The following ADAD1 variants were observed in gnomAD, a reference collection of about 807,000 sequenced individuals.
ADAD1 encodes the protein adenosine deaminase domain-containing protein 1.
Under a neutral mutation model 66.8 loss-of-function variants are expected in ADAD1, and 46 were observed. That is an observed-to-expected ratio of 0.69 (90% CI 0.54 to 0.88). The LOEUF (loss-of-function observed/expected upper bound fraction) is 0.88. Ranked by LOEUF, ADAD1 falls within the 40% of genes least tolerant of loss-of-function variation. The pLI, the probability that ADAD1 is intolerant of heterozygous loss-of-function variation, is 0.00. For synonymous variants in ADAD1, 248 were observed against 229.4 expected (o/e 1.08, Z -0.73); for missense variants, 617 against 681.8 (o/e 0.91, Z 1.06).
At chr4:122,427,492 G>A (rs966823243) in intron 12 of ADAD1, among the ~76,000 whole-genome samples, 2 of 132,092 alleles carry the variant, frequency 1.5e-5, no homozygotes, top group Non-Finnish European at 3.2e-5. Flanking sequence ...TTGACAAGCT[G>A]ATTGTGAAAT....
chr4:122,407,966 T>A lies in ADAD1; in HGVS notation c.783T>A (p.Ile261=). 1 of 1,613,866 alleles carries A rather than the reference T, an allele frequency of 6.2e-7. No individual in the cohort carries two copies. ...GTGAATACAATTACAGCCAGGACAT[T>A]AAGCCAGATGGAAGAGTATTGCATG... ...GTGEYNYSQD[I]KPDGRVLHDT... is the part of the protein sequence containing the mutation. The change falls in exon 8 of 13, where the codon ATT becomes ATA. Residue 261 remains isoleucine, a synonymous_variant. Coordinates refer to ENST00000296513, the MANE Select transcript of ADAD1 (RefSeq NM_139243.4).
intron 7 of ADAD1, among the ~76,000 whole-genome samples, chr4:122,396,856 G>A (rs1345989193): frequency 6.6e-6 from 1 of 152,114 alleles, no homozygotes; most frequent in Non-Finnish European, 1.5e-5. Flanking sequence ...AACAATTTGA[G>A]ATTTGATTCC....
At chr4:122,380,812 A>T (rs1049806155) in intron 3 of ADAD1, among the ~76,000 whole-genome samples, 180 bp from the exon 4 acceptor site, 2 of 152,184 alleles carry the variant, frequency 1.3e-5, no homozygotes, top group Non-Finnish European at 1.5e-5. Flanking sequence ...TTAGTACTCG[A>T]TAGATGCAAT....
intron 7 of ADAD1, among the ~76,000 whole-genome samples, chr4:122,403,920 T>C (rs1580773541): frequency 1.3e-5 from 2 of 152,226 alleles, no homozygotes; most frequent in East Asian, 3.9e-4. Context: ...TATGGCTGCC[T>C]CTGCTCTGTC....
chr4:122,408,960 T>C (rs907608625), intron 8 of ADAD1, among the ~76,000 whole-genome samples: 4 of 152,132 alleles, frequency 2.6e-5, no homozygotes, highest in African/African-American at 9.7e-5. Flanking sequence ...TACTGGAAAG[T>C]GTAGCTTTTG....
chr4:122,419,215 C>T (rs575227187), intron 11 of ADAD1, among the ~76,000 whole-genome samples: 1 of 152,284 alleles, frequency 6.6e-6, no homozygotes, highest in East Asian at 1.9e-4. Flanking sequence ...AGAATGAGAT[C>T]ATGTCCTCTG....
chr4:122,385,861 A>G (rs1795148052), intron 5 of ADAD1, among the ~76,000 whole-genome samples: 1 of 152,146 alleles, frequency 6.6e-6, no homozygotes, highest in Admixed American at 6.5e-5. Flanking sequence ...GTCCCTTCAA[A>G]GGACATGATC....
At chr4:122,426,044 AT>A (rs1797219170) in intron 12 of ADAD1, among the ~76,000 whole-genome samples, 1 of 152,130 alleles carries the variant, frequency 6.6e-6, no homozygotes, top group African/African-American at 2.4e-5. Context: ...ATAGAAAAAA[AT>A]AGTAGGAAAA....
At chr4:122,396,041 C>T (rs1031344477) in intron 6 of ADAD1, among the ~76,000 whole-genome samples, 1 of 152,140 alleles carries the variant, frequency 6.6e-6, no homozygotes, top group African/African-American at 2.4e-5. Context: ...AATACTGACA[C>T]ATCTTTTTAT....
intron 4 of ADAD1, among the ~76,000 whole-genome samples, chr4:122,383,267 G>A (rs1330633043): frequency 2.6e-5 from 4 of 152,058 alleles, no homozygotes; most frequent in Admixed American, 2.6e-4. Flanking sequence ...GCTGTAATGG[G>A]TTGAGTTGCT....
chr4:122,429,682 A>G lies in ADAD1; in HGVS notation c.1674A>G (p.Gln558=), dbSNP rs746297168. 1 of 1,613,680 alleles carries G rather than the reference A, an allele frequency of 6.2e-7. No homozygotes were observed. ...GTAAGTTGAAATCCTACTTACAACA[A>G]CATGGCTATGGATCCTGGATTGTGA... The part of the protein sequence containing the change: ...AKCKLKSYLQ[Q]HGYGSWIVKS... Residue 558 remains glutamine (Q), a synonymous_variant, in exon 13 of 13, where the codon CAA becomes CAG. Transcript: ENST00000296513.
rs79912451 is a variant in ADAD1 at position 122,379,335 on chromosome 4, C to A, written c.-82-37C>A. The A allele has an allele frequency of 1.6e-3, 243 of 152,492 alleles. 2 individuals are homozygous for A. Among genetic ancestry groups the A allele is most frequent in the Non-Finnish European group, 2.7e-3 (181 of 68,066 alleles). The allele number at this position is 152,492 out of a possible 1,614,324, so 9.4% of individuals were successfully genotyped here. A position where few individuals can be genotyped will look rare whatever the true frequency, so the allele number is the denominator to read the frequency against. On this transcript the variant is annotated intron_variant, in intron 1 of 12. Transcript: ENST00000296513. ...TGTTCGGAGAACAGAGTCACCCAGGCCTCGAACGCCTGCGATGGTCGGCGT... is the reference window on the plus strand; with the variant it reads ...TGTTCGGAGAACAGAGTCACCCAGGACTCGAACGCCTGCGATGGTCGGCGT...
intron 6 of ADAD1, among the ~76,000 whole-genome samples, chr4:122,393,931 G>T (rs1460775038): frequency 6.6e-6 from 1 of 151,956 alleles, no homozygotes; most frequent in Non-Finnish European, 1.5e-5. Context: ...CTTTGCTTTG[G>T]TGGGCTTGTC....
intron 12 of ADAD1, among the ~76,000 whole-genome samples, chr4:122,429,028 G>A (rs1302231306): frequency 6.6e-6 from 1 of 151,522 alleles, no homozygotes; most frequent in African/African-American, 2.4e-5. Context: ...CCACCATCGA[G>A]TTTTGTGATT....
intron 11 of ADAD1, among the ~76,000 whole-genome samples, chr4:122,415,997 G>C (rs1235901960): frequency 6.6e-6 from 1 of 152,028 alleles, no homozygotes; most frequent in Non-Finnish European, 1.5e-5. Flanking sequence ...ATCTGACTTT[G>C]GATCTGGGAC....
intron 11 of ADAD1, among the ~76,000 whole-genome samples, chr4:122,418,893 G>A (rs985934451): frequency 1.6e-4 from 25 of 152,188 alleles, no homozygotes; most frequent in African/African-American, 5.1e-4. Flanking sequence ...TGCTGGTGAG[G>A]TTGTGGAGAG....
chr4:122,392,044 T>C (rs1795476302), intron 5 of ADAD1, among the ~76,000 whole-genome samples: 1 of 152,236 alleles, frequency 6.6e-6, no homozygotes. Flanking sequence ...AAACATCTTG[T>C]ACAGTCTTTC....
chr4:122,383,989 T>C, intron 5 of ADAD1, 23 bp downstream of exon 5: 1 of 1,560,096 alleles, frequency 6.4e-7, no homozygotes, highest in Non-Finnish European at 8.7e-7. Context: ...GATTATAAAG[T>C]ATTTATAAGA....
chr4:122,380,757 T>C (rs574383710), intron 3 of ADAD1, among the ~76,000 whole-genome samples: 2 of 152,298 alleles, frequency 1.3e-5, no homozygotes, highest in Admixed American at 1.3e-4. Flanking sequence ...ACCCTTGATA[T>C]CACTTAATAA....
Sources: gnomAD v4.1 joint callset for allele counts (sites outside exome capture counted in the v4.1 genomes callset) on GRCh38, gnomAD v4.1.1 for gene constraint, MANE v1.5 for transcripts, NCBI Gene and HGNC (gene_info 2026-07-23, HGNC 2026-07-21) for gene names.